The following MAGI2 variants were observed in gnomAD, a reference collection of about 807,000 sequenced individuals.
MAGI2 encodes the protein membrane-associated guanylate kinase, WW and PDZ domain-containing protein 2.
A neutral mutation model predicts 133.3 loss-of-function variants in MAGI2; 35 were observed. The observed-to-expected ratio is 0.26, with a 90% CI of 0.20 to 0.35. MAGI2 has a LOEUF of 0.35. Among genes scored for constraint, MAGI2 ranks in the 10% least tolerant of loss-of-function variants. The probability of loss-of-function intolerance (pLI) is 1.00; values close to 1 mark genes in which losing one functional copy is unlikely to be tolerated. For synonymous variants in MAGI2, 729 were observed against 710.6 expected (o/e 1.03, Z -0.41); for missense variants, 1,636 against 1,863.4 (o/e 0.88, Z 2.25).
At chr7:78,869,280 G>A (rs1438604110) in intron 2 of MAGI2, among the ~76,000 whole-genome samples, 2 of 152,002 alleles carry the variant, frequency 1.3e-5, no homozygotes, top group African/African-American at 4.8e-5. Context: ...TTAGGTTTTT[G>A]GTCATGGACT....
intron 1 of MAGI2, among the ~76,000 whole-genome samples, chr7:79,073,813 T>C (rs972168022): frequency 6.6e-6 from 1 of 151,524 alleles, no homozygotes; most frequent in Non-Finnish European, 1.5e-5. Flanking sequence ...TTCTTGACCA[T>C]ACTAGATTTC....
At chr7:78,814,623 T>C (rs1789398256) in intron 2 of MAGI2, among the ~76,000 whole-genome samples, 1 of 152,240 alleles carries the variant, frequency 6.6e-6, no homozygotes, top group East Asian at 1.9e-4. Flanking sequence ...TTTGTGTGTG[T>C]GTGTGTGCAC....
intron 1 of MAGI2, among the ~76,000 whole-genome samples, chr7:79,415,891 G>T (rs1355893639): frequency 3.9e-5 from 6 of 152,124 alleles, no homozygotes; most frequent in African/African-American, 1.4e-4. Context: ...GACAGAACTG[G>T]CCTGGGTCGG....
At chr7:79,405,870 C>T (rs1237995642) in intron 1 of MAGI2, among the ~76,000 whole-genome samples, 1 of 148,974 alleles carries the variant, frequency 6.7e-6, no homozygotes, top group African/African-American at 2.5e-5. Context: ...ACATCATATT[C>T]CCCTCTAGGG....
At chr7:79,288,077 T>C (rs550521960) in intron 1 of MAGI2, among the ~76,000 whole-genome samples, 1 of 152,298 alleles carries the variant, frequency 6.6e-6, no homozygotes, top group South Asian at 2.1e-4. Context: ...TGTTTATATA[T>C]GCAAACTTAG....
rs368689986 is a variant in MAGI2 at position 79,317,086 on chromosome 7, G to T, written c.301+135934C>A. 1.7e-3 allele frequency among the ~76,000 whole-genome samples: 230 copies of T among 131,798 alleles called. 1 individual carries two copies. The highest frequency in any genetic ancestry group is 6.0e-3 in the African/African-American group (209 of 35,100). The allele number at this position is 131,798 out of a possible 152,430, so 86.5% of individuals were successfully genotyped here. A position where few individuals can be genotyped will look rare whatever the true frequency, so the allele number is the denominator to read the frequency against. On this transcript the variant is annotated intron_variant, in intron 1 of 21. Coordinates refer to ENST00000354212, the MANE Select transcript of MAGI2 (RefSeq NM_012301.4). Reference sequence around the variant, plus strand: ...TGCCCAGGCTGGAGTGCAATGGCATGATCTCGGCTCACTGCAACTTCTGCC... The same window carrying T: ...TGCCCAGGCTGGAGTGCAATGGCATTATCTCGGCTCACTGCAACTTCTGCC...
chr7:79,078,180 A>C (rs529484466), intron 1 of MAGI2, among the ~76,000 whole-genome samples: 43 of 152,326 alleles, frequency 2.8e-4, no homozygotes, highest in African/African-American at 1.0e-3. Context: ...TTTCATGTGA[A>C]GAGGCCCATG....
Position 79,011,061 on chromosome 7 carries a change from T to C in MAGI2, c.302-3855A>G, listed in dbSNP as rs893985816. 1.6e-4 allele frequency: 25 copies of C among 152,068 alleles called. 1 individual carries two copies. Among genetic ancestry groups the C allele is most frequent in the African/African-American group, 2.4e-5 (1 of 41,442 alleles). 9.4% of individuals were successfully genotyped at this position (152,068 alleles called of 1,614,324 possible). On this transcript the variant is annotated intron_variant, in intron 1 of 21. Transcript: ENST00000354212. ...TAGAGCTCAGTTCAAACTCTTCCTA[T>C]TGCAAACGAGGCAAGTGAAGCTCAC...
intron 2 of MAGI2, among the ~76,000 whole-genome samples, chr7:78,645,030 T>G (rs939611050): frequency 6.8e-6 from 1 of 147,864 alleles, no homozygotes; most frequent in Non-Finnish European, 1.5e-5. Flanking sequence ...GAACAAAATT[T>G]TTGAAAGATA....
At chr7:78,748,830 G>A (rs1232041577) in intron 2 of MAGI2, among the ~76,000 whole-genome samples, 1 of 152,094 alleles carries the variant, frequency 6.6e-6, no homozygotes, top group Non-Finnish European at 1.5e-5. Flanking sequence ...AAATAATCAA[G>A]CTCAAAAATC....
At chr7:79,015,094 T>A (rs1027321063) in intron 1 of MAGI2, among the ~76,000 whole-genome samples, 2 of 152,170 alleles carry the variant, frequency 1.3e-5, no homozygotes, top group Non-Finnish European at 2.9e-5. Context: ...TCATTTTATA[T>A]TAGCAAGGTC....
intron 10 of MAGI2, among the ~76,000 whole-genome samples, chr7:78,214,526 AG>A (rs1788079142): frequency 1.3e-5 from 2 of 152,228 alleles, no homozygotes; most frequent in Admixed American, 1.3e-4. Flanking sequence ...TGTCATTTTA[AG>A]ATTTCTTAGC....
intron 3 of MAGI2, among the ~76,000 whole-genome samples, chr7:78,593,552 T>C (rs1804271381): frequency 6.6e-6 from 1 of 152,190 alleles, no homozygotes; most frequent in Non-Finnish European, 1.5e-5. Flanking sequence ...CTTCTTGTTT[T>C]AGAAGTAGAA....
At chr7:78,458,048 A>T (rs1454036303) in intron 6 of MAGI2, among the ~76,000 whole-genome samples, 4 of 151,714 alleles carry the variant, frequency 2.6e-5, no homozygotes. Context: ...TTGTAATCCC[A>T]GCACTTTGGG....
intron 2 of MAGI2, among the ~76,000 whole-genome samples, chr7:78,989,714 A>G (rs1229314656): frequency 6.6e-6 from 1 of 151,936 alleles, no homozygotes; most frequent in Non-Finnish European, 1.5e-5. Flanking sequence ...AAATATATAC[A>G]TAGGGTGAAG....
At chr7:78,647,181 A>G (rs1439935214) in intron 2 of MAGI2, among the ~76,000 whole-genome samples, 1 of 152,212 alleles carries the variant, frequency 6.6e-6, no homozygotes. Context: ...TCTGCACAGC[A>G]GAACTATTAT....
chr7:79,289,558 A>G (rs1196139985), intron 1 of MAGI2, among the ~76,000 whole-genome samples: 2 of 152,178 alleles, frequency 1.3e-5, no homozygotes, highest in Non-Finnish European at 2.9e-5. Flanking sequence ...ATAACAAATA[A>G]CAGTCATCCC....
intron 1 of MAGI2, among the ~76,000 whole-genome samples, chr7:79,436,786 G>A (rs4730835): frequency 0.4 from 60,134 of 151,948 alleles, 12,264 homozygotes; most frequent in Middle Eastern, 0.5. Context: ...AAAGCAGTTT[G>A]GAGAATTCTA....
chr7:79,243,141 A>G (rs1400772320), intron 1 of MAGI2, among the ~76,000 whole-genome samples: 3 of 152,144 alleles, frequency 2.0e-5, no homozygotes, highest in African/African-American at 7.2e-5. Flanking sequence ...ACAACAAAAA[A>G]AGAAAAGACA....
Sources: allele counts gnomAD v4.1 joint callset (sites outside exome capture counted in the v4.1 genomes callset), GRCh38; gene constraint gnomAD v4.1.1; transcripts MANE v1.5; gene names NCBI Gene and HGNC (gene_info 2026-07-23, HGNC 2026-07-21).